AUTS2: variants seen among roughly 807,000 people sequenced by gnomAD.
AUTS2 encodes autism susceptibility gene 2 protein.
AUTS2 carries 17 observed loss-of-function variants against 112.4 expected under a neutral mutation model. The ratio of observed to expected loss-of-function variants is 0.15; its 90% CI spans 0.10 to 0.23. The LOEUF (loss-of-function observed/expected upper bound fraction) is 0.23. Among genes scored for constraint, AUTS2 ranks in the 10% least tolerant of loss-of-function variants. The pLI, the probability that AUTS2 is intolerant of heterozygous loss-of-function variation, is 1.00. For synonymous variants in AUTS2, 751 were observed against 702.7 expected, an observed-to-expected ratio of 1.07 and a Z score of -1.09; for missense variants, 1,510 against 1,701.6, an observed-to-expected ratio of 0.89 and a Z score of 1.98.
intron 1 of AUTS2, among the ~76,000 whole-genome samples, chr7:69,685,748 A>G (rs953702628): frequency 9.3e-5 from 14 of 150,950 alleles, no homozygotes; most frequent in South Asian, 2.1e-4. Flanking sequence ...AATAGAGACA[A>G]TGTCTCACTA....
intron 10 of AUTS2, among the ~76,000 whole-genome samples, chr7:70,769,761 G>T (rs1790216286): frequency 1.3e-5 from 2 of 152,132 alleles, no homozygotes; most frequent in African/African-American, 2.4e-5. Context: ...ACCCACTGCG[G>T]TGCCTTCTGA....
intron 1 of AUTS2, among the ~76,000 whole-genome samples, chr7:69,825,529 A>G (rs1208103500): frequency 1.3e-5 from 2 of 152,022 alleles, no homozygotes; most frequent in Admixed American, 6.6e-5. Flanking sequence ...TTGACAATGG[A>G]GCCATGCGGT....
Position 69,849,051 on chromosome 7 carries a change from G to A in AUTS2, c.310-50235G>A, listed in dbSNP as rs754117449. Among the ~76,000 whole-genome samples, 41 of 152,210 alleles carry A rather than the reference G, an allele frequency of 2.7e-4. 1 individual carries two copies. Among genetic ancestry groups the A allele is most frequent in the Non-Finnish European group, 5.3e-4 (36 of 68,016 alleles). On this transcript the variant is annotated intron_variant, in intron 1 of 18. Coordinates refer to ENST00000342771, the MANE Select transcript of AUTS2 (RefSeq NM_015570.4). ...AAAAAAATTAGCCAGTTGTGGTGGC[G>A]TGCGCCTGTAGTCCCAGCTACTGGG...
At chr7:70,247,671 T>C (rs927449081) in intron 4 of AUTS2, among the ~76,000 whole-genome samples, 2 of 152,188 alleles carry the variant, frequency 1.3e-5, no homozygotes, top group African/African-American at 4.8e-5. Context: ...CTCGTCTAGA[T>C]TTCTGTATAT....
chr7:69,900,942 A>G (rs757845090), intron 2 of AUTS2, among the ~76,000 whole-genome samples: 1 of 152,182 alleles, frequency 6.6e-6, no homozygotes, highest in Non-Finnish European at 1.5e-5. Context: ...TTTGTACAAC[A>G]ACCCTGCCTA....
At chr7:70,645,405 C>T (rs568293361) in intron 5 of AUTS2, among the ~76,000 whole-genome samples, 37 of 152,122 alleles carry the variant, frequency 2.4e-4, no homozygotes, top group Admixed American at 3.9e-4. Context: ...CAGATCCAAC[C>T]GGAAGCTGCA....
At chr7:70,152,599 G>A (rs1233260827) in intron 4 of AUTS2, among the ~76,000 whole-genome samples, 1 of 152,044 alleles carries the variant, frequency 6.6e-6, no homozygotes, top group Non-Finnish European at 1.5e-5. Flanking sequence ...TGCAAAGTTT[G>A]TATCTGATAA....
intron 4 of AUTS2, among the ~76,000 whole-genome samples, chr7:70,218,501 T>A (rs375321405): frequency 1.5e-4 from 23 of 152,130 alleles, no homozygotes; most frequent in East Asian, 1.4e-3. Flanking sequence ...GCCCTCAGGG[T>A]CTGTGATCGG....
intron 2 of AUTS2, among the ~76,000 whole-genome samples, chr7:69,911,396 CCTT>C (rs1439150727): frequency 2.0e-5 from 3 of 152,198 alleles, no homozygotes. Flanking sequence ...GCTCTTCTCT[CCTT>C]CTCATTAACT....
At chr7:70,683,222 G>A (rs1808296010) in intron 5 of AUTS2, among the ~76,000 whole-genome samples, 1 of 152,166 alleles carries the variant, frequency 6.6e-6, no homozygotes, top group Admixed American at 6.5e-5. Flanking sequence ...TATATTCTGT[G>A]AAATCCCAAA....
At chr7:70,183,839 T>TC (rs1480419178) in intron 4 of AUTS2, among the ~76,000 whole-genome samples, 16 of 151,814 alleles carry the variant, frequency 1.1e-4, no homozygotes, top group Admixed American at 4.6e-4. Context: ...TTTTCTTTTT[T>TC]TTTTTTTTTT....
chr7:70,313,678 C>T (rs973290886), intron 4 of AUTS2, among the ~76,000 whole-genome samples: 1 of 152,188 alleles, frequency 6.6e-6, no homozygotes, highest in Non-Finnish European at 1.5e-5. Context: ...CTTGTAGCAT[C>T]CATCAGCCAC....
chr7:70,764,910 A>G lies in AUTS2; in HGVS notation c.1373A>G (p.Asn458Ser), dbSNP rs200026249. 1.2e-5 allele frequency: 19 copies of G among 1,589,420 alleles called. No individual in the cohort carries two copies. The highest frequency in any genetic ancestry group is 3.3e-4 in the Middle Eastern group (2 of 6,000). Residue 458 changes from asparagine (N) to serine (S), a missense_variant, in exon 8 of 19, where the codon AAT becomes AGT. This residue lies in a region of AUTS2 where 535 missense variants were observed against 594.3 expected (regional missense o/e 0.90). Transcript: ENST00000342771. ...LQPPAHSHHP[N>S]MFAPPTALPP... is the part of the protein sequence containing the mutation. ...CCCCCCGCACACTCACATCACCCCA[A>G]TATGTTTGCCCCTCCCACTGCTCTG...
At chr7:70,475,665 A>G (rs1312842403) in intron 5 of AUTS2, among the ~76,000 whole-genome samples, 1 of 152,230 alleles carries the variant, frequency 6.6e-6, no homozygotes, top group African/African-American at 2.4e-5. Context: ...GCTTCAAGGG[A>G]CACAGGCAGT....
At chr7:70,365,804 G>T (rs941332912) in intron 4 of AUTS2, among the ~76,000 whole-genome samples, 1 of 152,218 alleles carries the variant, frequency 6.6e-6, no homozygotes, top group Non-Finnish European at 1.5e-5. Context: ...CTGTTTTGAT[G>T]ACAACTATCA....
chr7:70,482,915 C>T (rs970881365), intron 5 of AUTS2, among the ~76,000 whole-genome samples: 1 of 152,200 alleles, frequency 6.6e-6, no homozygotes, highest in African/African-American at 2.4e-5. Context: ...ATATTTTTAT[C>T]TACTCAAAGG....
intron 4 of AUTS2, among the ~76,000 whole-genome samples, chr7:70,399,751 AAAAAT>A (rs138206839): frequency 0.16 from 21,091 of 134,750 alleles, 1,783 homozygotes; most frequent in African/African-American, 0.26. Context: ...AACTGGGTAA[AAAAAT>A]AAAATAAAAT....
At chr7:69,666,195 TATA>T (rs773415057) in intron 1 of AUTS2, among the ~76,000 whole-genome samples, 1 of 152,174 alleles carries the variant, frequency 6.6e-6, no homozygotes, top group Non-Finnish European at 1.5e-5. Flanking sequence ...GTCATACACA[TATA>T]AAAAGCTTCT....
At chr7:70,671,723 G>A (rs1363053869) in intron 5 of AUTS2, among the ~76,000 whole-genome samples, 2 of 152,210 alleles carry the variant, frequency 1.3e-5, no homozygotes, top group Non-Finnish European at 2.9e-5. Context: ...AGACCGTACA[G>A]TGTCAGTGAG....
Sources: allele counts gnomAD v4.1 joint callset (sites outside exome capture counted in the v4.1 genomes callset), GRCh38; gene constraint gnomAD v4.1.1; regional missense constraint gnomAD v4.1.1; transcripts MANE v1.5; gene names NCBI Gene and HGNC (gene_info 2026-07-23, HGNC 2026-07-21).